The following TMEM72 variants were observed in gnomAD, a reference collection of about 807,000 sequenced individuals.
The protein encoded by TMEM72 is kidney-specific secretory protein of 37 kDa.
In TMEM72, 9 loss-of-function variants were observed where a neutral mutation model predicts 16.3. The observed-to-expected ratio is 0.55, with a 90% confidence interval of 0.33 to 0.96. TMEM72 has a LOEUF of 0.96. Among genes scored for constraint, TMEM72 ranks in the 40% least tolerant of loss-of-function variants. TMEM72 has a pLI of 0.03. For missense variants in TMEM72, 324 were observed against 337.8 expected, an observed-to-expected ratio of 0.96 and a Z score of 0.32; for synonymous variants, 160 against 146.5, an observed-to-expected ratio of 1.09 and a Z score of -0.66.
chr10:44,933,936 T>C lies in TMEM72; in HGVS notation c.349+160T>C, dbSNP rs561201542. On this transcript the variant is annotated intron_variant, in intron 4 of 4. Coordinates refer to ENST00000389583, the MANE Select transcript of TMEM72 (RefSeq NM_001123376.3). ...GGGTGGACATGAGGAATCATCGGAA[T>C]GCCAGACATACTCCATGCTGATCAA... Among the ~76,000 whole-genome samples, 7 of 152,298 alleles carry C rather than the reference T, an allele frequency of 4.6e-5. No individual in the cohort carries two copies. The South Asian group carries it at 1.2e-3, about 27-fold the overall frequency.
intron 4 of TMEM72, 57 bp from the exon 5 acceptor site, chr10:44,934,599 G>A: frequency 6.8e-7 from 1 of 1,479,502 alleles, no homozygotes; most frequent in Non-Finnish European, 9.0e-7. Flanking sequence ...ATGCTTGCAA[G>A]GACTCCGGAT....
chr10:44,934,579 G>A (rs1840361538), intron 4 of TMEM72, 77 bp from the exon 5 acceptor site: 2 of 1,413,938 alleles, frequency 1.4e-6, no homozygotes, highest in Non-Finnish European at 9.5e-7. Context: ...CAGGAGCTCT[G>A]CTGCACGACA....
rs763972582 is a variant in TMEM72 at position 44,931,966 on chromosome 10, C to T, written c.138-32C>T. On this transcript the variant is annotated intron_variant, in intron 2 of 4. Coordinates refer to ENST00000389583, the MANE Select transcript of TMEM72 (RefSeq NM_001123376.3). ...TCAGGAAAGCAAAGGAAGACAGAGGCGCCAGCCTCCCTCACCTGTCTCCAC... is the reference window on the plus strand; with the variant it reads ...TCAGGAAAGCAAAGGAAGACAGAGGTGCCAGCCTCCCTCACCTGTCTCCAC... 40 of 1,596,014 alleles carry T rather than the reference C, an allele frequency of 2.5e-5. No homozygotes were observed. The East Asian group carries it at 3.2e-4, about 13-fold the overall frequency.
intron 1 of TMEM72, among the ~76,000 whole-genome samples, chr10:44,927,523 A>G (rs1840215362): frequency 6.6e-6 from 1 of 152,242 alleles, no homozygotes; most frequent in African/African-American, 2.4e-5. Context: ...AAGCAAGAGA[A>G]CAGGGCTGGG....
At chr10:44,913,245 G>A (rs1358216090) in intron 1 of TMEM72, among the ~76,000 whole-genome samples, 2 of 152,132 alleles carry the variant, frequency 1.3e-5, no homozygotes, top group African/African-American at 2.4e-5. Flanking sequence ...GCTCCCTCTA[G>A]GCTTTGGTTT....
rs185957255 is a variant in TMEM72, at chr10:44,927,070, G to A, written c.71-851G>A. Among the ~76,000 whole-genome samples the A allele has an allele frequency of 5.9e-3, 892 of 152,288 alleles. 7 individuals are homozygous for A. Among genetic ancestry groups the A allele is most frequent in the Admixed American group, 8.8e-3 (134 of 15,298 alleles). ...TTGACTGGGAGGAAGAGAGGATGAA[G>A]CCACCCTTCAGCACACAGCAGGGGC... On this transcript the variant is annotated intron_variant, in intron 1 of 4. Transcript: ENST00000389583.
At chr10:44,922,549 C>A (rs1471545404) in intron 1 of TMEM72, among the ~76,000 whole-genome samples, 1 of 152,222 alleles carries the variant, frequency 6.6e-6, no homozygotes, top group Non-Finnish European at 1.5e-5. Flanking sequence ...ACAGCCAGTC[C>A]CAACATGGCT....
At chr10:44,914,219 G>A (rs558987912) in intron 1 of TMEM72, among the ~76,000 whole-genome samples, 1 of 152,344 alleles carries the variant, frequency 6.6e-6, no homozygotes, top group African/African-American at 2.4e-5. Flanking sequence ...TATCATGAGG[G>A]GTTGTAGAGC....
intron 1 of TMEM72, among the ~76,000 whole-genome samples, chr10:44,927,620 A>G (rs1388581252): frequency 6.6e-6 from 1 of 152,216 alleles, no homozygotes; most frequent in Non-Finnish European, 1.5e-5. Flanking sequence ...AACAGCTGTG[A>G]ATCAAGGGGC....
intron 4 of TMEM72, 76 bp from the exon 5 acceptor site, chr10:44,934,580 C>T (rs1270005879): frequency 2.1e-6 from 3 of 1,416,334 alleles, no homozygotes; most frequent in Admixed American, 2.3e-5. Context: ...AGGAGCTCTG[C>T]TGCACGACAT....
rs1484335528 is a variant in TMEM72, at chr10:44,936,184, A to C, written c.*1050A>C. 1.3e-5 allele frequency: 2 copies of C among 152,258 alleles called. No homozygotes were observed. The highest frequency in any genetic ancestry group is 3.9e-4 in the East Asian group (2 of 5,192). The allele number at this position is 152,258 out of a possible 1,614,324, so 9.4% of individuals were successfully genotyped here. A position where few individuals can be genotyped will look rare whatever the true frequency, so the allele number is the denominator to read the frequency against. On this transcript the variant is annotated 3_prime_UTR_variant, in exon 5 of 5. Transcript: ENST00000389583. ...CTTTGTAAATCTGTAAAGGATTTGC[A>C]ATATAGGCTTTACTTCTAAAAATTG... is the stretch of plus-strand genomic sequence containing the variant.
Position 44,932,018 on chromosome 10 carries a change from C to T in TMEM72, c.158C>T (p.Ser53Phe). The T allele has an allele frequency of 1.2e-6, 2 of 1,613,294 alleles. No homozygotes were observed. The highest frequency in any genetic ancestry group is 1.7e-6 in the Non-Finnish European group (2 of 1,179,714). Residue 53 changes from serine to phenylalanine, a missense_variant, in exon 3 of 5, where the codon TCC becomes TTC. Transcript: ENST00000389583. ...FYLLFTGAAVSICEGAYFVAQ... is the reference protein window; with the variant it reads ...FYLLFTGAAVFICEGAYFVAQ... ...TGCAGGTTTACAGGAGCCGCTGTCT[C>T]CATATGTGAAGGGGCCTACTTTGTG...
At chr10:44,923,918 G>A (rs1170271859) in intron 1 of TMEM72, among the ~76,000 whole-genome samples, 1 of 152,186 alleles carries the variant, frequency 6.6e-6, no homozygotes, top group Admixed American at 6.5e-5. Flanking sequence ...ACCACCAGGA[G>A]CCACAGCCAG....
chr10:44,916,768 C>A (rs1295548506), intron 1 of TMEM72, among the ~76,000 whole-genome samples: 1 of 152,266 alleles, frequency 6.6e-6, no homozygotes, highest in East Asian at 1.9e-4. Flanking sequence ...CCCCACCTAC[C>A]ACCAACAGGC....
chr10:44,922,520 C>T (rs1375407637), intron 1 of TMEM72, among the ~76,000 whole-genome samples: 1 of 152,232 alleles, frequency 6.6e-6, no homozygotes, highest in Admixed American at 6.5e-5. Context: ...CCAGTTAGCA[C>T]ACCAGGCTAG....
intron 1 of TMEM72, among the ~76,000 whole-genome samples, chr10:44,912,959 G>A (rs1367164122): frequency 5.3e-5 from 8 of 152,280 alleles, no homozygotes; most frequent in East Asian, 3.9e-4. Context: ...CAGCCAGCCC[G>A]GAGCCCTGGT....
At chr10:44,914,512 G>A (rs913319285) in intron 1 of TMEM72, among the ~76,000 whole-genome samples, 5 of 152,194 alleles carry the variant, frequency 3.3e-5, no homozygotes, top group African/African-American at 4.8e-5. Flanking sequence ...ATCCATTGCC[G>A]CCCATGGAAG....
chr10:44,913,461 C>G (rs1452210546), intron 1 of TMEM72, among the ~76,000 whole-genome samples: 1 of 152,108 alleles, frequency 6.6e-6, no homozygotes, highest in Non-Finnish European at 1.5e-5. Context: ...CGCACACACA[C>G]ACACACACAC....
chr10:44,925,191 A>AT (rs112465212), intron 1 of TMEM72, among the ~76,000 whole-genome samples: 1 of 151,980 alleles, frequency 6.6e-6, no homozygotes, highest in African/African-American at 2.4e-5. Context: ...CTCTGTTGCC[A>AT]TTTTTTTTAT....
Sources: gnomAD v4.1 joint callset for allele counts (sites outside exome capture counted in the v4.1 genomes callset) on GRCh38, gnomAD v4.1.1 for gene constraint, MANE v1.5 for transcripts, NCBI Gene and HGNC (gene_info 2026-07-23, HGNC 2026-07-21) for gene names.